The following UGT2B15 variants were observed in gnomAD, a reference collection of about 807,000 sequenced individuals.
The protein encoded by UGT2B15 is UDP glucuronosyltransferase family 2 member B15.
In UGT2B15, 36 loss-of-function variants were observed where a neutral mutation model predicts 45.9. That is an observed-to-expected ratio of 0.78 (90% CI 0.60 to 1.04). The LOEUF (loss-of-function observed/expected upper bound fraction) is 1.04, where lower values mean the gene tolerates loss of function less well. UGT2B15 is among the 50% of genes least tolerant of loss of function. The pLI is 0.00. For missense variants in UGT2B15, 617 were observed against 622.4 expected, an observed-to-expected ratio of 0.99 and a Z score of 0.09; for synonymous variants, 219 against 216.4, an observed-to-expected ratio of 1.01 and a Z score of -0.11.
intron 2 of UGT2B15, among the ~76,000 whole-genome samples, chr4:68,665,603 T>G (rs559203091): frequency 6.6e-6 from 1 of 152,322 alleles, no homozygotes; most frequent in South Asian, 2.1e-4. Flanking sequence ...TGATACTTTT[T>G]GGCAAGAGTC....
intron 3 of UGT2B15, among the ~76,000 whole-genome samples, chr4:68,661,532 A>G (rs1374170908): frequency 1.3e-5 from 2 of 152,026 alleles, no homozygotes; most frequent in South Asian, 2.1e-4. Context: ...ATATAAATTT[A>G]TTAATTTTTG....
At chr4:68,655,650 C>T (rs564401896) in intron 3 of UGT2B15, among the ~76,000 whole-genome samples, 4 of 152,164 alleles carry the variant, frequency 2.6e-5, no homozygotes, top group African/African-American at 9.6e-5. Context: ...CCTGGAAGCC[C>T]CTTCCATGCT....
intron 2 of UGT2B15, among the ~76,000 whole-genome samples, chr4:68,664,615 G>T (rs1733066373): frequency 6.6e-6 from 1 of 151,062 alleles, no homozygotes; most frequent in Non-Finnish European, 1.5e-5. Context: ...CACCCAGGCT[G>T]GAGTGCAATG....
In UGT2B15 at chr4:68,657,965, G is replaced by A. The variant is rs576950416; in HGVS notation, c.1006-2783C>T. Among the ~76,000 whole-genome samples the A allele has an allele frequency of 7.5e-4, 114 of 151,900 alleles. 1 individual carries two copies. Among genetic ancestry groups the A allele is most frequent in the Non-Finnish European group, 1.4e-3 (92 of 67,898 alleles). The stretch of plus-strand genomic sequence containing the variant: ...TTGAATCCATTTTATTTTCCTTCCA[G>A]CACACCAAATTTTTTGTCTCTGTAC... On this transcript the variant is annotated intron_variant, in intron 3 of 5. Coordinates refer to ENST00000338206, the MANE Select transcript of UGT2B15 (RefSeq NM_001076.4).
Position 68,647,333 on chromosome 4 carries a change from A to T in UGT2B15, c.1364T>A (p.Met455Lys). 1.9e-6 allele frequency: 3 copies of T among 1,613,776 alleles called. No individual in the cohort carries two copies. The highest frequency in any genetic ancestry group is 2.5e-6 in the Non-Finnish European group (3 of 1,179,758). The change falls in exon 6 of 6, where the codon ATG (methionine) becomes AAG (lysine). Residue 455 changes from methionine to lysine, a missense_variant. Around this residue, in one of 3 missense-constraint regions of UGT2B15, gnomAD observed 265 missense variants for 245.1 expected, o/e 1.08. Coordinates refer to ENST00000338206, the MANE Select transcript of UGT2B15 (RefSeq NM_001076.4). ...GAAGACTGCTCGATCCAGGGGCTTC[A>T]TTGGTTGGTCATGATGAATTCTTGA... ...KLSRIHHDQP[M>K]KPLDRAVFWI... is the part of the protein sequence containing the mutation.
chr4:68,666,749 TA>T (rs1432622825), intron 2 of UGT2B15, among the ~76,000 whole-genome samples: 1,476 of 77,772 alleles, frequency 0.019, 31 homozygotes, highest in African/African-American at 0.051. Flanking sequence ...TATATATATA[TA>T]TATTTTTTTT....
At chr4:68,664,515 A>G (rs142709583) in intron 2 of UGT2B15, among the ~76,000 whole-genome samples, 5,106 of 152,142 alleles carry the variant, frequency 0.034, 104 homozygotes, top group Middle Eastern at 0.085. Flanking sequence ...AAATATGTCA[A>G]TTCAGACCAT....
chr4:68,666,338 C>T (rs961221486), intron 2 of UGT2B15, among the ~76,000 whole-genome samples: 3 of 152,058 alleles, frequency 2.0e-5, no homozygotes, highest in African/African-American at 7.2e-5. Flanking sequence ...AAATCAATCA[C>T]TATTAAATGA....
rs1290278440 is a variant in UGT2B15 at position 68,668,164 on chromosome 4, GT to G, written c.748del (p.Thr250GlnfsTer64). 6.2e-7 allele frequency: 1 copy of G among 1,613,076 alleles called. No homozygotes were observed. The highest frequency in any genetic ancestry group is 1.3e-5 in the African/African-American group (1 of 74,844). ...VLGRPTTLFE[T>X]MGKAEMWLIR... ...GAGCCACATTTCAGCTTTCCCCATT[GT>G]CTCAAATAATGTAGTGGGTCTTCCT... On this transcript the variant is annotated frameshift_variant, in exon 2 of 6. Transcript: ENST00000338206. LOFTEE classifies it high-confidence loss of function.
intron 3 of UGT2B15, among the ~76,000 whole-genome samples, chr4:68,657,817 T>A (rs1732853100): frequency 1.3e-5 from 2 of 152,122 alleles, no homozygotes; most frequent in Non-Finnish European, 2.9e-5. Flanking sequence ...GCTGGTCAAT[T>A]TTTTTTATCT....
intron 5 of UGT2B15, among the ~76,000 whole-genome samples, chr4:68,653,211 G>A (rs1260917493): frequency 6.6e-6 from 1 of 151,916 alleles, no homozygotes; most frequent in Non-Finnish European, 1.5e-5. Flanking sequence ...GTATAACAAT[G>A]TTCATAAATG....
intron 4 of UGT2B15, 49 bp from the exon 5 acceptor site, chr4:68,654,305 A>G (rs199589238): frequency 6.3e-7 from 1 of 1,586,032 alleles, no homozygotes; most frequent in East Asian, 2.2e-5. Context: ...AGGTATGAGA[A>G]TTGAATAAGA....
intron 3 of UGT2B15, among the ~76,000 whole-genome samples, chr4:68,656,696 C>T (rs1732815987): frequency 6.6e-6 from 1 of 152,074 alleles, no homozygotes. Flanking sequence ...CTAGAGAAGG[C>T]TTCTAATGAC....
Position 68,670,115 on chromosome 4 carries a change from G to C in UGT2B15, c.504C>G (p.Pro168=). 1 of 1,614,100 alleles carries C rather than the reference G, an allele frequency of 6.2e-7. No homozygotes were observed. Among genetic ancestry groups the C allele is most frequent in the Non-Finnish European group, 8.5e-7 (1 of 1,179,996 alleles). ...GELLAELFNI[P]FLYSLRFSVG... The stretch of plus-strand genomic sequence containing the variant: ...CAGAGAATCGAAGACTGTACAGAAA[G>C]GGTATGTTAAATAGTTCAGCCAGTA... The change falls in exon 1 of 6, where the codon CCC becomes CCG. Residue 168 remains proline (P), a synonymous_variant. Coordinates refer to ENST00000338206, the MANE Select transcript of UGT2B15 (RefSeq NM_001076.4).
rs181757268 is a variant in UGT2B15, at chr4:68,652,687, C to G, written c.1313+1350G>C. 3.0e-4 allele frequency among the ~76,000 whole-genome samples: 45 copies of G among 148,416 alleles called. 1 individual carries two copies. The highest frequency in any genetic ancestry group is 5.5e-4 in the Admixed American group (8 of 14,604). ...ATATTTATTTTATCAACATTGAAAC[C>G]TTTGTATTTCAAAAGGCATCTTCCA... is the stretch of plus-strand genomic sequence containing the variant. On this transcript the variant is annotated intron_variant, in intron 5 of 5. Coordinates refer to ENST00000338206, the MANE Select transcript of UGT2B15 (RefSeq NM_001076.4).
chr4:68,660,285 G>A (rs1732925449), intron 3 of UGT2B15, among the ~76,000 whole-genome samples: 1 of 149,518 alleles, frequency 6.7e-6, no homozygotes, highest in Non-Finnish European at 1.5e-5. Flanking sequence ...CCCTGTACAG[G>A]GTTCCTGAAC....
At chr4:68,666,662 A>G (rs988564161) in intron 2 of UGT2B15, among the ~76,000 whole-genome samples, 1 of 151,132 alleles carries the variant, frequency 6.6e-6, no homozygotes, top group African/African-American at 2.4e-5. Flanking sequence ...ATCTGATCAT[A>G]TCTCTTCATT....
At chr4:68,655,931 T>A (rs1475537051) in intron 3 of UGT2B15, among the ~76,000 whole-genome samples, 3 of 152,030 alleles carry the variant, frequency 2.0e-5, no homozygotes, top group Non-Finnish European at 4.4e-5. Context: ...AGATTCTGAG[T>A]GGAGGTTCCC....
At chr4:68,664,266 C>A (rs1232705769) in intron 2 of UGT2B15, among the ~76,000 whole-genome samples, 30 of 142,872 alleles carry the variant, frequency 2.1e-4, no homozygotes, top group South Asian at 4.4e-4. Context: ...ATTCTCACAC[C>A]AAAAAAAAAA....
Sources: allele counts gnomAD v4.1 joint callset (sites outside exome capture counted in the v4.1 genomes callset), GRCh38; gene constraint gnomAD v4.1.1; regional missense constraint gnomAD v4.1.1; transcripts MANE v1.5; gene names NCBI Gene and HGNC (gene_info 2026-07-23, HGNC 2026-07-21).